The following ATAD1 variants were observed in gnomAD, a reference collection of about 807,000 sequenced individuals.
The protein encoded by ATAD1 is ATPase family AAA domain containing 1, also known as outer mitochondrial transmembrane helix translocase.
In ATAD1, 18 loss-of-function variants were observed where a neutral mutation model predicts 42.7. The observed-to-expected ratio is 0.42, with a 90% confidence interval of 0.29 to 0.63. ATAD1 has a LOEUF of 0.63. ATAD1 is among the 20% of genes least tolerant of loss of function. ATAD1 has a pLI of 0.19. For synonymous variants in ATAD1, 132 were observed against 143.1 expected, an observed-to-expected ratio of 0.92 and a Z score of 0.55; for missense variants, 294 against 440.4, an observed-to-expected ratio of 0.67 and a Z score of 2.98.
chr10:87,813,401 C>T (rs992192907), intron 2 of ATAD1, among the ~76,000 whole-genome samples: 8 of 150,512 alleles, frequency 5.3e-5, no homozygotes, highest in African/African-American at 2.0e-4. Context: ...CAGAGACTTA[C>T]AAATAGGCTG....
intron 3 of ATAD1, 34 bp downstream of exon 3, chr10:87,792,623 T>TAAAAAAAAATTAA: frequency 1.2e-6 from 1 of 806,070 alleles, no homozygotes; most frequent in Non-Finnish European, 2.0e-6. Context: ...CCCCCACCTC[T>TAAAAAAAAATTAA]AAAAAAATCT....
At chr10:87,828,533 T>C (rs1406309425) in intron 1 of ATAD1, among the ~76,000 whole-genome samples, 1 of 152,180 alleles carries the variant, frequency 6.6e-6, no homozygotes, top group Non-Finnish European at 1.5e-5. Context: ...CTTCATAACA[T>C]GTAAGTGCAA....
rs370568464 is a variant in ATAD1, at chr10:87,779,281, AG to A, written c.584-2855del. Reference sequence around the variant, plus strand: ...CCACTGCACTCCAGCCTGGGCAACAAGAGTGAAACTCTGTCTCAAAAAATAT... The same window carrying A: ...CCACTGCACTCCAGCCTGGGCAACAAAGTGAAACTCTGTCTCAAAAAATAT... On this transcript the variant is annotated intron_variant, in intron 5 of 9. Coordinates refer to ENST00000680024, the MANE Select transcript of ATAD1 (RefSeq NM_001321967.2). Among the ~76,000 whole-genome samples the A allele has an allele frequency of 8.5e-5, 13 of 152,310 alleles. No individual in the cohort carries two copies. The South Asian group carries it at 2.7e-3, about 32-fold the overall frequency.
At chr10:87,774,412 C>A (rs1564748186) in intron 6 of ATAD1, among the ~76,000 whole-genome samples, 1 of 152,082 alleles carries the variant, frequency 6.6e-6, no homozygotes, top group Non-Finnish European at 1.5e-5. Flanking sequence ...CTTGTTGATG[C>A]CAGGGTTCTG....
intron 1 of ATAD1, among the ~76,000 whole-genome samples, chr10:87,834,640 A>ATAT (rs1857898135): frequency 6.6e-6 from 1 of 152,004 alleles, no homozygotes; most frequent in South Asian, 2.1e-4. Context: ...TTCATTCCTG[A>ATAT]TATGGTAAAT....
At chr10:87,760,555 C>A (rs1035868437) in intron 8 of ATAD1, among the ~76,000 whole-genome samples, 2 of 152,102 alleles carry the variant, frequency 1.3e-5, no homozygotes, top group Admixed American at 1.3e-4. Context: ...GGTTTGAGAA[C>A]GGGCTAACAC....
rs1462225943 is a variant in ATAD1, at chr10:87,753,719, TTTGG to T, written c.*964_*967del. ...ACTTGTTTTAAACTATTATTTCATT[TTTGG>T]TGACCAAATTATATTTGACCATAAT... On this transcript the variant is annotated 3_prime_UTR_variant, in exon 10 of 10. Coordinates refer to ENST00000680024, the MANE Select transcript of ATAD1 (RefSeq NM_001321967.2). 6.6e-6 allele frequency: 1 copy of T among 152,596 alleles called. No individual in the cohort carries two copies. Among genetic ancestry groups the T allele is most frequent in the Non-Finnish European group, 1.5e-5 (1 of 68,000 alleles). The allele number at this position is 152,596 out of a possible 1,614,324, so 9.5% of individuals were successfully genotyped here. A position where few individuals can be genotyped will look rare whatever the true frequency, so the allele number is the denominator to read the frequency against.
chr10:87,778,168 T>C (rs1364194467), intron 5 of ATAD1, among the ~76,000 whole-genome samples: 3 of 111,056 alleles, frequency 2.7e-5, no homozygotes, highest in Non-Finnish European at 5.4e-5. Context: ...ACTAAGATAT[T>C]AGAATAAATT....
chr10:87,832,246 T>G (rs1318423970), intron 1 of ATAD1: 2 of 151,998 alleles, frequency 1.3e-5, no homozygotes, highest in East Asian at 3.9e-4. Context: ...AAAAAAGAAT[T>G]ATCAGGGTAT....
intron 5 of ATAD1, among the ~76,000 whole-genome samples, chr10:87,779,192 G>A (rs1855455269): frequency 6.6e-6 from 1 of 152,218 alleles, no homozygotes; most frequent in South Asian, 2.1e-4. Flanking sequence ...CAGCTACTTG[G>A]GAGGCTGAGG....
chr10:87,784,308 T>C (rs1464448955), intron 5 of ATAD1, among the ~76,000 whole-genome samples, 162 bp downstream of exon 5: 1 of 152,192 alleles, frequency 6.6e-6, no homozygotes, highest in Non-Finnish European at 1.5e-5. Flanking sequence ...ATATAGTCTA[T>C]GGTTCATTCT....
chr10:87,800,088 T>TA (rs551220186), intron 2 of ATAD1, among the ~76,000 whole-genome samples: 147 of 144,760 alleles, frequency 1.0e-3, no homozygotes, highest in East Asian at 4.9e-3. Context: ...AGGATTTATT[T>TA]AAAAAAAAAA....
chr10:87,801,966 TG>T (rs1347248022), intron 2 of ATAD1, among the ~76,000 whole-genome samples: 1 of 152,246 alleles, frequency 6.6e-6, no homozygotes, highest in Non-Finnish European at 1.5e-5. Flanking sequence ...TCCTTTGTTT[TG>T]TTTTTTTCAA....
intron 1 of ATAD1, among the ~76,000 whole-genome samples, chr10:87,832,431 T>C (rs568558620): frequency 3.3e-5 from 5 of 151,952 alleles, no homozygotes; most frequent in African/African-American, 1.2e-4. Context: ...GGGCCGTGTT[T>C]GTGTGGGACT....
At chr10:87,836,120 G>T (rs1385394519) in intron 1 of ATAD1, among the ~76,000 whole-genome samples, 4 of 151,868 alleles carry the variant, frequency 2.6e-5, no homozygotes, top group African/African-American at 7.3e-5. Context: ...CCTTGTTTTT[G>T]TTTTGTTTTG....
chr10:87,789,440 G>A (rs1855988947), intron 4 of ATAD1, among the ~76,000 whole-genome samples: 1 of 152,156 alleles, frequency 6.6e-6, no homozygotes, highest in Admixed American at 6.5e-5. Flanking sequence ...ATGTGCACTA[G>A]CTGGGCACAA....
chr10:87,811,721 A>G lies in ATAD1; in HGVS notation c.162+2717T>C, dbSNP rs560841976. Among the ~76,000 whole-genome samples the G allele has an allele frequency of 4.6e-5, 7 of 152,300 alleles. No individual in the cohort carries two copies. The South Asian group carries it at 1.2e-3, about 27-fold the overall frequency. ...ACAGGAATAACCATATGGCCTACTC[A>G]CTGTTCTAACGACTTCAACTACTTA... On this transcript the variant is annotated intron_variant, in intron 2 of 9. Coordinates refer to ENST00000680024, the MANE Select transcript of ATAD1 (RefSeq NM_001321967.2).
chr10:87,818,288 G>A (rs1324483583), upstream of ATAD1: 8 of 984,088 alleles, frequency 8.1e-6, no homozygotes, highest in East Asian at 5.7e-4. Context: ...GAGCATGCGC[G>A]ACCCGCGGTC....
intron 1 of ATAD1, among the ~76,000 whole-genome samples, chr10:87,833,941 C>G (rs1857884550): frequency 6.6e-6 from 1 of 152,058 alleles, no homozygotes; most frequent in East Asian, 1.9e-4. Flanking sequence ...CTCTCGAACT[C>G]CTGACCTCAG....
Sources: gnomAD v4.1 joint callset for allele counts (sites outside exome capture counted in the v4.1 genomes callset) on GRCh38, gnomAD v4.1.1 for gene constraint, MANE v1.5 for transcripts, NCBI Gene and HGNC (gene_info 2026-07-23, HGNC 2026-07-21) for gene names.